GABRA2: variants seen among roughly 807,000 people sequenced by gnomAD.
GABRA2 encodes the protein gamma-aminobutyric acid receptor subunit alpha-2.
Under a neutral mutation model 48.7 loss-of-function variants are expected in GABRA2, and 16 were observed. The observed-to-expected ratio is 0.33, with a 90% confidence interval of 0.22 to 0.50. GABRA2 has a LOEUF of 0.50. Among genes scored for constraint, GABRA2 ranks in the 20% least tolerant of loss-of-function variants. The pLI is 0.98. For synonymous variants in GABRA2, 185 were observed against 184.5 expected, an observed-to-expected ratio of 1.00 and a Z score of -0.02; for missense variants, 275 against 535.6, an observed-to-expected ratio of 0.51 and a Z score of 4.80.
At chr4:46,302,093 T>C (rs1209109520) in intron 8 of GABRA2, among the ~76,000 whole-genome samples, 2 of 151,556 alleles carry the variant, frequency 1.3e-5, no homozygotes, top group East Asian at 3.9e-4. Context: ...TTTTGAGACA[T>C]AGTCTTTCTC....
At chr4:46,353,251 T>A (rs1379860927) in intron 3 of GABRA2, among the ~76,000 whole-genome samples, 1 of 151,996 alleles carries the variant, frequency 6.6e-6, no homozygotes, top group Non-Finnish European at 1.5e-5. Flanking sequence ...TCAAAATATA[T>A]CCAGATTCCT....
intron 3 of GABRA2, among the ~76,000 whole-genome samples, chr4:46,382,896 C>G (rs773721892): frequency 2.0e-5 from 3 of 152,056 alleles, no homozygotes; most frequent in Non-Finnish European, 4.4e-5. Flanking sequence ...GCAATTGAGA[C>G]TAATTAAATA....
At chr4:46,336,743 A>G (rs1378201687) in intron 3 of GABRA2, among the ~76,000 whole-genome samples, 1 of 152,176 alleles carries the variant, frequency 6.6e-6, no homozygotes, top group Non-Finnish European at 1.5e-5. Flanking sequence ...ACTGAGGAAC[A>G]CATAATGTAT....
chr4:46,389,263 T>G (rs1273382685), intron 1 of GABRA2: 1 of 985,408 alleles, frequency 1.0e-6, no homozygotes, highest in East Asian at 1.1e-4. Flanking sequence ...TCTTCTTTTC[T>G]TCACTCCCCT....
rs1165952209 is a variant in GABRA2 at position 46,262,969 on chromosome 4, AGAGAGAGAGG to A, written c.857-851_857-842del. Among the ~76,000 whole-genome samples, 475 of 140,000 alleles carry A rather than the reference AGAGAGAGAGG, an allele frequency of 3.4e-3. 3 individuals carry two copies. Among genetic ancestry groups the A allele is most frequent in the Middle Eastern group, 0.028 (8 of 284 alleles). The allele number at this position is 140,000 out of a possible 152,430, so 91.8% of individuals were successfully genotyped here. A position where few individuals can be genotyped will look rare whatever the true frequency, so the allele number is the denominator to read the frequency against. ...AAGAAAGAAAGAAAGAGAGAGAGAG[AGAGAGAGAGG>A]GAGGGAGGGAGGGAGAGAGAGAAAG... On this transcript the variant is annotated intron_variant, in intron 8 of 9. Transcript: ENST00000381620.
chr4:46,371,198 T>A (rs1215956759), intron 3 of GABRA2, among the ~76,000 whole-genome samples: 1 of 152,162 alleles, frequency 6.6e-6, no homozygotes, highest in South Asian at 2.1e-4. Flanking sequence ...CAATTTAGCA[T>A]CCTCTAGGTT....
At chr4:46,306,266 T>G (rs1038950919) in intron 6 of GABRA2, among the ~76,000 whole-genome samples, 3 of 152,318 alleles carry the variant, frequency 2.0e-5, no homozygotes, top group African/African-American at 7.2e-5. Context: ...CAAATCCTTT[T>G]AAAATCATGC....
chr4:46,380,801 C>A (rs1716656351), intron 3 of GABRA2, among the ~76,000 whole-genome samples: 1 of 152,042 alleles, frequency 6.6e-6, no homozygotes. Context: ...AATTTTTGCC[C>A]ACTCAGTAGC....
chr4:46,262,173 C>A (rs1560443120), intron 8 of GABRA2, 45 bp from the exon 9 acceptor site: 1 of 1,525,642 alleles, frequency 6.6e-7, no homozygotes, highest in Non-Finnish European at 9.1e-7. Context: ...TAGGTACTAG[C>A]AGGACAGCAT....
At chr4:46,256,768 T>C (rs993429911) in intron 9 of GABRA2, among the ~76,000 whole-genome samples, 2 of 151,726 alleles carry the variant, frequency 1.3e-5, no homozygotes, top group African/African-American at 4.8e-5. Context: ...TGAAATATTT[T>C]GGAACAAGGC....
At chr4:46,302,392 T>G (rs1269283478) in intron 8 of GABRA2, 1 of 152,180 alleles carries the variant, frequency 6.6e-6, no homozygotes, top group East Asian at 1.9e-4. Context: ...ATATCTTTAA[T>G]AATCTCAAAA....
intron 3 of GABRA2, among the ~76,000 whole-genome samples, chr4:46,360,571 T>C (rs910845606): frequency 2.6e-5 from 4 of 152,222 alleles, no homozygotes; most frequent in Non-Finnish European, 5.9e-5. Context: ...GTCTTGGGTA[T>C]GTCTTTGTCA....
At chr4:46,280,913 G>A (rs533644933) in intron 8 of GABRA2, among the ~76,000 whole-genome samples, 53 of 152,286 alleles carry the variant, frequency 3.5e-4, no homozygotes, top group African/African-American at 1.2e-3. Flanking sequence ...TGAGAACATA[G>A]AGAGATGGTG....
At chr4:46,261,685 A>G in intron 9 of GABRA2, 1 of 594,604 alleles carries the variant, frequency 1.7e-6, no homozygotes, top group Non-Finnish European at 3.0e-6. Flanking sequence ...TATGTAAAAC[A>G]CTTAGCACAG....
chr4:46,343,644 G>T (rs1361547841), intron 3 of GABRA2, among the ~76,000 whole-genome samples: 1 of 151,960 alleles, frequency 6.6e-6, no homozygotes, highest in Admixed American at 6.6e-5. Context: ...TAACATGCAC[G>T]CTTTGTAATT....
chr4:46,362,359 T>A (rs1713344010), intron 3 of GABRA2, among the ~76,000 whole-genome samples: 1 of 152,290 alleles, frequency 6.6e-6, no homozygotes, highest in South Asian at 2.1e-4. Flanking sequence ...ATCCTCCTTG[T>A]CTTCCACTAT....
rs770307213 is a variant in GABRA2 at position 46,369,022 on chromosome 4, G to A, written c.187+17052C>T. The A allele has an allele frequency of 7.1e-6, 5 of 700,048 alleles. No homozygotes were observed. In the South Asian group the frequency reaches 7.4e-5, roughly 10 times the overall value. 43.4% of individuals were successfully genotyped at this position (700,048 alleles called of 1,614,324 possible). The stretch of plus-strand genomic sequence containing the variant: ...ACTCTGGAAACTGGGAAAGAAGAAA[G>A]CTATTAAAGATGCTGAGCAAAATAA... On this transcript the variant is annotated intron_variant, in intron 3 of 9. Transcript: ENST00000381620.
rs1444824447 is a variant in GABRA2, at chr4:46,249,028, C to CTGTGTGTGTGTG, written c.*1279_*1280insCACACACACACA. On this transcript the variant is annotated 3_prime_UTR_variant, in exon 10 of 10. Transcript: ENST00000381620. ...TTTAAAATTGTGTTTTCTAATTTAG[C>CTGTGTGTGTGTG]TGTGTATGTGTGTGTGTGTGTGTGT... is the stretch of plus-strand genomic sequence containing the variant. The CTGTGTGTGTGTG allele has an allele frequency of 3.1e-4, 15 of 48,030 alleles. No homozygotes were observed. Among genetic ancestry groups the CTGTGTGTGTGTG allele is most frequent in the South Asian group, 2.5e-3 (2 of 804 alleles). 3.0% of individuals were successfully genotyped at this position (48,030 alleles called of 1,614,324 possible). A position where few individuals can be genotyped will look rare whatever the true frequency, so the allele number is the denominator to read the frequency against.
At chr4:46,356,382 C>A (rs1426568309) in intron 3 of GABRA2, among the ~76,000 whole-genome samples, 1 of 150,694 alleles carries the variant, frequency 6.6e-6, no homozygotes, top group Non-Finnish European at 1.5e-5. Flanking sequence ...CTCCACACCC[C>A]TGGCCAGGAA....
Sources: allele counts gnomAD v4.1 joint callset (sites outside exome capture counted in the v4.1 genomes callset), GRCh38; gene constraint gnomAD v4.1.1; transcripts MANE v1.5; gene names NCBI Gene and HGNC (gene_info 2026-07-23, HGNC 2026-07-21).